NUP210: variants seen among roughly 807,000 people sequenced by gnomAD.
The protein encoded by NUP210 is nuclear pore membrane glycoprotein 210.
Under a neutral mutation model 196.0 loss-of-function variants are expected in NUP210, and 151 were observed. That is an observed-to-expected ratio of 0.77 (90% CI 0.67 to 0.88). NUP210 has a LOEUF of 0.88. Ranked by LOEUF, NUP210 falls within the 40% of genes least tolerant of loss-of-function variation. The pLI is 0.00. For synonymous variants in NUP210, 1,070 were observed against 1,052.7 expected, an observed-to-expected ratio of 1.02 and a Z score of -0.32; for missense variants, 2,314 against 2,493.7, an observed-to-expected ratio of 0.93 and a Z score of 1.53.
intron 16 of NUP210, 30 bp from the exon 17 acceptor site, chr3:13,354,137 T>G: frequency 6.4e-7 from 1 of 1,553,592 alleles, no homozygotes; most frequent in Non-Finnish European, 8.7e-7. Flanking sequence ...GATGTTGTGG[T>G]CACCCCCAGG....
At chr3:13,325,687 C>G (rs1696718814) in intron 33 of NUP210, 108 bp downstream of exon 33, 1 of 1,369,508 alleles carries the variant, frequency 7.3e-7, no homozygotes, top group Admixed American at 1.9e-5. Flanking sequence ...GACCCAACCC[C>G]TCAGACGGCT....
intron 1 of NUP210, among the ~76,000 whole-genome samples, chr3:13,413,795 T>C (rs188246332): frequency 9.2e-5 from 14 of 152,266 alleles, no homozygotes; most frequent in Admixed American, 6.5e-5. Context: ...ATTGTGAACG[T>C]ACTTCATGCC....
At chr3:13,337,100 GTTT>G in intron 26 of NUP210, 182 bp from the exon 27 acceptor site, 2 of 623,160 alleles carry the variant, frequency 3.2e-6, no homozygotes, top group East Asian at 6.9e-5. Context: ...AGGTGGGACT[GTTT>G]TCCCCATACT....
At position 13,323,175 on chromosome 3, in the gene NUP210, G is replaced by A. The variant is rs747854323; in HGVS notation, c.4768+134C>T. ...GAAACGCTGGAAGGAGTGGATGAGT[G>A]GGGGCTAAATGCCCTCTCTGGAGTT... On this transcript the variant is annotated intron_variant, in intron 34 of 39. Coordinates refer to ENST00000254508, the MANE Select transcript of NUP210 (RefSeq NM_024923.4). This position sits in a 1 kb window ranked among gnomAD's most constrained non-coding sequence, Gnocchi z 4.3. The A allele has an allele frequency of 9.1e-6, 10 of 1,096,438 alleles. No individual in the cohort carries two copies. Among genetic ancestry groups the A allele is most frequent in the Middle Eastern group, 2.2e-4 (1 of 4,624 alleles). 67.9% of individuals were successfully genotyped at this position (1,096,438 alleles called of 1,614,324 possible). A position where few individuals can be genotyped will look rare whatever the true frequency, so the allele number is the denominator to read the frequency against.
At chr3:13,408,938 G>C (rs1700079402) in intron 1 of NUP210, among the ~76,000 whole-genome samples, 1 of 152,160 alleles carries the variant, frequency 6.6e-6, no homozygotes, top group Non-Finnish European at 1.5e-5. Context: ...GTGACCACCT[G>C]ACGGCTGCTG....
intron 27 of NUP210, 84 bp downstream of exon 27, chr3:13,336,703 A>C (rs1697229585): frequency 2.8e-6 from 4 of 1,453,218 alleles, no homozygotes; most frequent in Non-Finnish European, 3.7e-6. Context: ...CTGTGGGACA[A>C]TGTGGCAGGA....
At chr3:13,337,954 A>G (rs775531111) in intron 25 of NUP210, 37 bp from the exon 26 acceptor site, 1 of 1,585,084 alleles carries the variant, frequency 6.3e-7, no homozygotes, top group Non-Finnish European at 8.6e-7. Context: ...GTGGGGATGC[A>G]GTGCTGGCCA....
In NUP210 at chr3:13,350,343, T is replaced by C. The variant is rs1216870284; in HGVS notation, c.2835+1536A>G. Reference sequence around the variant, plus strand: ...AAAGAAGTAAACAAGCAAATAATAATAACAAGCTCCAGCATGGGGATGGGG... The same window carrying C: ...AAAGAAGTAAACAAGCAAATAATAACAACAAGCTCCAGCATGGGGATGGGG... On this transcript the variant is annotated intron_variant, in intron 20 of 39. Coordinates refer to ENST00000254508, the MANE Select transcript of NUP210 (RefSeq NM_024923.4). The surrounding 1 kb of genome is among the most constrained non-coding windows in gnomAD (Gnocchi z 4.1). Among the ~76,000 whole-genome samples the C allele has an allele frequency of 6.6e-6, 1 of 151,952 alleles. No homozygotes were observed. The highest frequency in any genetic ancestry group is 1.5e-5 in the Non-Finnish European group (1 of 67,984).
At chr3:13,344,930 C>T in intron 20 of NUP210, 3 of 985,466 alleles carry the variant, frequency 3.0e-6, no homozygotes, top group East Asian at 1.1e-4. Context: ...CCTGCATCCA[C>T]GTCAGCTCCT....
At chr3:13,363,110 G>A (rs2124896525) in intron 14 of NUP210, among the ~76,000 whole-genome samples, 1 of 152,344 alleles carries the variant, frequency 6.6e-6, no homozygotes, top group South Asian at 2.1e-4. Flanking sequence ...CTACTGTTGT[G>A]ATTCAGGGGC....
At chr3:13,356,048 G>T (rs1205701204) in intron 16 of NUP210, among the ~76,000 whole-genome samples, 2 of 152,204 alleles carry the variant, frequency 1.3e-5, no homozygotes, top group African/African-American at 4.8e-5. Context: ...CCCTGACTCA[G>T]TGTGGCCAAT....
intron 1 of NUP210, among the ~76,000 whole-genome samples, chr3:13,407,774 G>A (rs1263311841): frequency 1.3e-5 from 2 of 152,126 alleles, no homozygotes; most frequent in African/African-American, 4.8e-5. Flanking sequence ...CCTCCTTGAG[G>A]TCTTTAAGGC....
In NUP210 at chr3:13,319,610, A is replaced by T. The variant is rs142872254; in HGVS notation, c.5383+153T>A. 2.6e-5 allele frequency among the ~76,000 whole-genome samples: 4 copies of T among 152,294 alleles called. No homozygotes were observed. The East Asian group carries it at 7.7e-4, about 29-fold the overall frequency. On this transcript the variant is annotated intron_variant, in intron 37 of 39. Coordinates refer to ENST00000254508, the MANE Select transcript of NUP210 (RefSeq NM_024923.4). ...AAGCTGGGCAACTAAAGCCTGCATC[A>T]TGGCCCCAATGAGCAGCGATCACTT...
intron 33 of NUP210, among the ~76,000 whole-genome samples, 181 bp downstream of exon 33, chr3:13,325,614 A>G (rs928239555): frequency 3.9e-5 from 6 of 152,158 alleles, no homozygotes; most frequent in African/African-American, 1.4e-4. Context: ...AGCCTGGAAA[A>G]AAAAGGGAGC....
rs1197913788 is a variant in NUP210, at chr3:13,410,681, G to A, written c.167+9379C>T. On this transcript the variant is annotated intron_variant, in intron 1 of 39. Coordinates refer to ENST00000254508, the MANE Select transcript of NUP210 (RefSeq NM_024923.4). The stretch of plus-strand genomic sequence containing the variant: ...ACCTGTAATCCCAGCACTTTGGGAG[G>A]CCGAGGCGGGTGGATCACGAGGTCA... Among the ~76,000 whole-genome samples the A allele has an allele frequency of 1.3e-4, 20 of 151,416 alleles. No individual in the cohort carries two copies. The East Asian group carries it at 3.7e-3, about 28-fold the overall frequency.
In NUP210 at chr3:13,345,299, T is replaced by C. The variant is rs1440535915; in HGVS notation, c.2836-1996A>G. ...GCTGATTCTGGTCCAACCACTTCAA[T>C]GTGCAAATGAGTTAACTGAGGCCCA... On this transcript the variant is annotated intron_variant, in intron 20 of 39. Coordinates refer to ENST00000254508, the MANE Select transcript of NUP210 (RefSeq NM_024923.4). 4 of 892,666 alleles carry C rather than the reference T, an allele frequency of 4.5e-6. No individual in the cohort carries two copies. In the African/African-American group the frequency reaches 5.4e-5, roughly 12 times the overall value. 55.3% of individuals were successfully genotyped at this position (892,666 alleles called of 1,614,324 possible).
At chr3:13,419,329 G>A (rs914836858) in intron 1 of NUP210, among the ~76,000 whole-genome samples, 1 of 152,210 alleles carries the variant, frequency 6.6e-6, no homozygotes, top group Admixed American at 6.5e-5. Context: ...AAATGGAAGG[G>A]CTGGACTGCA....
At position 13,358,372 on chromosome 3, in the gene NUP210, G is replaced by A. The variant is rs1183627415; in HGVS notation, c.2178C>T (p.Asn726=). 2 of 1,612,694 alleles carry A rather than the reference G, an allele frequency of 1.2e-6. No homozygotes were observed. The highest frequency in any genetic ancestry group is 1.3e-5 in the African/African-American group (1 of 75,002). Residue 726 remains asparagine, a synonymous_variant, in exon 16 of 40, where the codon AAC becomes AAT. Coordinates refer to ENST00000254508, the MANE Select transcript of NUP210 (RefSeq NM_024923.4). Reference sequence around the variant, plus strand: ...GAAAGGGGTTGGTGAGGCTGGGCTTGTTCCCCACCGACAGGGCGATGACCT... The same window carrying A: ...GAAAGGGGTTGGTGAGGCTGGGCTTATTCCCCACCGACAGGGCGATGACCT... ...GEQVIALSVG[N]KPSLTNPFPA...
At chr3:13,364,567 G>A (rs1209755579) in intron 14 of NUP210, among the ~76,000 whole-genome samples, 8 of 152,192 alleles carry the variant, frequency 5.3e-5, no homozygotes, top group East Asian at 3.8e-4. Flanking sequence ...GGTGGCTCAC[G>A]CCTGTAATCC....
Sources: allele counts gnomAD v4.1 joint callset (sites outside exome capture counted in the v4.1 genomes callset), GRCh38; gene constraint gnomAD v4.1.1; non-coding constraint Gnocchi (gnomAD v3.1); transcripts MANE v1.5; gene names NCBI Gene and HGNC (gene_info 2026-07-23, HGNC 2026-07-21).